DNAH6: variants seen among roughly 807,000 people sequenced by gnomAD.
The protein encoded by DNAH6 is axonemal beta dynein heavy chain 6.
A neutral mutation model predicts 491.4 loss-of-function variants in DNAH6; 340 were observed. The ratio of observed to expected loss-of-function variants is 0.69; its 90% CI spans 0.63 to 0.76. The LOEUF (loss-of-function observed/expected upper bound fraction) is 0.76. Among genes scored for constraint, DNAH6 ranks in the 30% least tolerant of loss-of-function variants. The pLI, the probability that DNAH6 is intolerant of heterozygous loss-of-function variation, is 0.00. For missense variants in DNAH6, 4,443 were observed against 4,972.2 expected, an observed-to-expected ratio of 0.89 and a Z score of 3.20; for synonymous variants, 1,603 against 1,686.1, an observed-to-expected ratio of 0.95 and a Z score of 1.21.
chr2:84,707,049 A>G, intron 53 of DNAH6, 30 bp downstream of exon 53: 1 of 1,493,364 alleles, frequency 6.7e-7, no homozygotes, highest in Non-Finnish European at 8.9e-7. Flanking sequence ...TACATTGGCC[A>G]GGAAATGCCT....
At chr2:84,725,155 C>G (rs1420706100) in intron 60 of DNAH6, among the ~76,000 whole-genome samples, 1 of 152,210 alleles carries the variant, frequency 6.6e-6, no homozygotes, top group Non-Finnish European at 1.5e-5. Context: ...AATGAAGAGT[C>G]TGTTTTGATC....
At chr2:84,484,876 G>A in the DNAH6 span, among the ~76,000 whole-genome samples, 79 of 152,274 alleles carry the variant, frequency 5.2e-4, no homozygotes, top group African/African-American at 1.9e-3. Flanking sequence ...TTATTCAAGT[G>A]TGCATCAGGG....
the DNAH6 span, among the ~76,000 whole-genome samples, chr2:84,493,260 A>G: frequency 2.6e-5 from 4 of 152,152 alleles, no homozygotes; most frequent in South Asian, 6.2e-4. Context: ...AATATAGACT[A>G]TATACCATAT....
Position 84,796,387 on chromosome 2 carries a change from C to A in DNAH6, c.11321C>A (p.Pro3774His). Residue 3774 changes from proline (P) to histidine (H), a missense_variant, in exon 69 of 77, where the codon CCT (proline) becomes CAT (histidine). Physicochemically the swap from Pro to His is moderately conservative, Grantham distance 77 (BLOSUM62 -2). Around this residue, in one of 3 missense-constraint regions of DNAH6, gnomAD observed 1,463 missense variants for 1,656.6 expected, o/e 0.88. Coordinates refer to ENST00000389394, the MANE Select transcript of DNAH6 (RefSeq NM_001370.2). ...ACTATCTTGAAAAGATTTTTTTCTCCTGAAACATTAGAAGAAGATTATAAA... is the reference window on the plus strand; with the variant it reads ...ACTATCTTGAAAAGATTTTTTTCTCATGAAACATTAGAAGAAGATTATAAA... ...LRTILKRFFS[P>H]ETLEEDYKYS... 1 of 1,524,530 alleles carries A rather than the reference C, an allele frequency of 6.6e-7. No homozygotes were observed. Among genetic ancestry groups the A allele is most frequent in the African/African-American group, 1.4e-5 (1 of 72,304 alleles). The allele number at this position is 1,524,530 out of a possible 1,614,324, so 94.4% of individuals were successfully genotyped here.
At chr2:84,673,342 C>G (rs922291149) in intron 40 of DNAH6, among the ~76,000 whole-genome samples, 5 of 152,062 alleles carry the variant, frequency 3.3e-5, no homozygotes, top group Admixed American at 3.3e-4. Flanking sequence ...GAAAGATCCC[C>G]TTGGCTGCAG....
intron 47 of DNAH6, 89 bp downstream of exon 47, chr2:84,697,816 C>T: frequency 7.2e-7 from 1 of 1,389,992 alleles, no homozygotes; most frequent in South Asian, 1.3e-5. Flanking sequence ...CTGAAGGGGT[C>T]CATGAATAAA....
At chr2:84,715,674 T>C in intron 58 of DNAH6, 47 bp downstream of exon 58, 1 of 1,505,608 alleles carries the variant, frequency 6.6e-7, no homozygotes, top group Non-Finnish European at 9.0e-7. Context: ...ATTGTGGGTT[T>C]CCTAAATATT....
At chr2:84,801,702 G>A (rs368557331) in intron 70 of DNAH6, among the ~76,000 whole-genome samples, 5 of 151,916 alleles carry the variant, frequency 3.3e-5, no homozygotes, top group South Asian at 4.2e-4. Context: ...TGGGCAACAC[G>A]GTGAAATCCT....
chr2:84,689,785 A>G (rs908328900), intron 45 of DNAH6, among the ~76,000 whole-genome samples: 2 of 152,168 alleles, frequency 1.3e-5, no homozygotes, highest in African/African-American at 4.8e-5. Context: ...CAGAGAGATT[A>G]GGTAAATGGT....
the DNAH6 span, among the ~76,000 whole-genome samples, chr2:84,498,979 G>T: frequency 5.3e-5 from 8 of 152,040 alleles, no homozygotes; most frequent in African/African-American, 1.9e-4. Flanking sequence ...TTGACACAGG[G>T]ATGCAATGGG....
chr2:84,734,450 A>T (rs111506077), intron 62 of DNAH6, among the ~76,000 whole-genome samples: 9 of 152,310 alleles, frequency 5.9e-5, no homozygotes, highest in African/African-American at 1.7e-4. Flanking sequence ...TTTAGGATTT[A>T]GGGGACCATC....
At chr2:84,800,494 C>T (rs1426251088) in intron 70 of DNAH6, among the ~76,000 whole-genome samples, 1 of 152,006 alleles carries the variant, frequency 6.6e-6, no homozygotes, top group African/African-American at 2.4e-5. Context: ...AGTTGAAATC[C>T]AATGCAAAGA....
intron 4 of DNAH6, 139 bp downstream of exon 4, chr2:84,529,305 C>A: frequency 1.4e-6 from 1 of 699,908 alleles, no homozygotes; most frequent in Non-Finnish European, 2.2e-6. Context: ...GAATCCTAAT[C>A]ACAACAATTT....
chr2:84,643,878 G>GC (rs1188518656), intron 33 of DNAH6, among the ~76,000 whole-genome samples: 11 of 151,146 alleles, frequency 7.3e-5, no homozygotes. Context: ...TCTACTGCTT[G>GC]CTCTGTCTCT....
Position 84,585,960 on chromosome 2 carries a change from C to T in DNAH6, c.2481+1710C>T, listed in dbSNP as rs867520991. On this transcript the variant is annotated intron_variant, in intron 15 of 76. Transcript: ENST00000389394. Reference sequence around the variant, plus strand: ...CCTTCAGGCCAATGTGGGGCCTCACCGGGGACCCACCCCCTTCCATTCAGG... The same window carrying T: ...CCTTCAGGCCAATGTGGGGCCTCACTGGGGACCCACCCCCTTCCATTCAGG... Among the ~76,000 whole-genome samples the T allele has an allele frequency of 3.4e-4, 52 of 152,280 alleles. 1 individual carries two copies. The highest frequency in any genetic ancestry group is 1.2e-3 in the African/African-American group (51 of 41,566).
In DNAH6 at chr2:84,735,002, T is replaced by C. The variant is rs567327658; in HGVS notation, c.10342+1423T>C. Among the ~76,000 whole-genome samples, 3 of 152,304 alleles carry C rather than the reference T, an allele frequency of 2.0e-5. No homozygotes were observed. In the South Asian group the frequency reaches 6.2e-4, roughly 32 times the overall value. The stretch of plus-strand genomic sequence containing the variant: ...GCTTCTAATGATCTCATTGCCCAGG[T>C]AGTGAACATAGTACTCAATAAGCAG... On this transcript the variant is annotated intron_variant, in intron 62 of 76. Coordinates refer to ENST00000389394, the MANE Select transcript of DNAH6 (RefSeq NM_001370.2).
intron 62 of DNAH6, among the ~76,000 whole-genome samples, chr2:84,741,565 C>G (rs762503535): frequency 2.6e-5 from 4 of 152,180 alleles, no homozygotes; most frequent in Non-Finnish European, 5.9e-5. Flanking sequence ...TTCAGGCAAG[C>G]AGCATAAGCA....
intron 18 of DNAH6, among the ~76,000 whole-genome samples, chr2:84,598,188 T>TTTTCTATC (rs1684865582): frequency 7.5e-6 from 1 of 132,860 alleles, no homozygotes; most frequent in South Asian, 2.5e-4. Context: ...TCTCTCTTTC[T>TTTTCTATC]TTTCTTTCTT....
upstream of DNAH6, among the ~76,000 whole-genome samples, chr2:84,513,110 AT>A (rs772166243): frequency 8.7e-5 from 13 of 149,132 alleles, 1 homozygote; most frequent in African/African-American, 3.0e-4. Context: ...CTTTTTATCT[AT>A]TTTTTTTTAG....
Sources: allele counts gnomAD v4.1 joint callset (sites outside exome capture counted in the v4.1 genomes callset), GRCh38; gene constraint gnomAD v4.1.1; regional missense constraint gnomAD v4.1.1; transcripts MANE v1.5; gene names NCBI Gene and HGNC (gene_info 2026-07-23, HGNC 2026-07-21).